Variants in CACNA1E observed in about 807,000 individuals in gnomAD.
CACNA1E encodes calcium voltage-gated channel subunit alpha1 E.
Under a neutral mutation model 259.2 loss-of-function variants are expected in CACNA1E, and 40 were observed. The ratio of observed to expected loss-of-function variants is 0.15; its 90% confidence interval spans 0.12 to 0.20. The LOEUF (loss-of-function observed/expected upper bound fraction) is 0.20. Among genes scored for constraint, CACNA1E ranks in the 10% least tolerant of loss-of-function variants. The pLI is 1.00. For missense variants in CACNA1E, 1,874 were observed against 3,040.1 expected (o/e 0.62, Z 9.02); for synonymous variants, 1,104 against 1,138.5 (o/e 0.97, Z 0.61).
chr1:181,503,341 T>C (rs1287950442), intron 1 of CACNA1E, among the ~76,000 whole-genome samples: 1 of 152,246 alleles, frequency 6.6e-6, no homozygotes, highest in Non-Finnish European at 1.5e-5. Context: ...CTCCTGTTCT[T>C]AGCCCTGGCC....
chr1:181,585,904 C>T (rs755216378), intron 6 of CACNA1E, among the ~76,000 whole-genome samples: 1 of 152,116 alleles, frequency 6.6e-6, no homozygotes, highest in Non-Finnish European at 1.5e-5. Context: ...GGTTTTTACT[C>T]TGAGTGAGAT....
intron 1 of CACNA1E, among the ~76,000 whole-genome samples, chr1:181,319,558 C>T (rs1650184059): frequency 6.6e-6 from 1 of 152,196 alleles, no homozygotes; most frequent in Admixed American, 6.5e-5. Context: ...CTACTGTTCT[C>T]TCACATGCTA....
intron 1 of CACNA1E, among the ~76,000 whole-genome samples, chr1:181,378,062 T>C (rs1655218074): frequency 6.6e-6 from 1 of 152,226 alleles, no homozygotes; most frequent in Non-Finnish European, 1.5e-5. Flanking sequence ...GTGATGGTAA[T>C]AGAAATGGGT....
intron 2 of CACNA1E, among the ~76,000 whole-genome samples, chr1:181,472,008 C>T (rs116323723): frequency 0.029 from 4,401 of 152,180 alleles, 76 homozygotes; most frequent in South Asian, 0.069. Context: ...ACAAAATGTT[C>T]ATCGATGGAT....
At position 181,485,201 on chromosome 1, in the gene CACNA1E, C is replaced by T. The variant is rs1663689926; in HGVS notation, c.266+1191C>T. On this transcript the variant is annotated intron_variant, in intron 1 of 47. Coordinates refer to ENST00000367573, the MANE Select transcript of CACNA1E (RefSeq NM_001205293.3). This position sits in a 1 kb window ranked among gnomAD's most constrained non-coding sequence, Gnocchi z 4.2. The stretch of plus-strand genomic sequence containing the variant: ...GAGGCCCCTTCTTTTCTCCCCTATT[C>T]TCCCTCTTTCCCACCCCCACCGTCC... Among the ~76,000 whole-genome samples, 1 of 152,146 alleles carries T rather than the reference C, an allele frequency of 6.6e-6. No individual in the cohort carries two copies. The highest frequency in any genetic ancestry group is 1.5e-5 in the Non-Finnish European group (1 of 68,026).
At chr1:181,605,418 G>C (rs892938505) in intron 6 of CACNA1E, among the ~76,000 whole-genome samples, 1 of 152,160 alleles carries the variant, frequency 6.6e-6, no homozygotes, top group African/African-American at 2.4e-5. Context: ...AGGCAGCACT[G>C]GCAGCTCAAG....
intron 2 of CACNA1E, among the ~76,000 whole-genome samples, chr1:181,472,498 A>G (rs11576955): frequency 6.6e-6 from 1 of 152,228 alleles, no homozygotes; most frequent in Non-Finnish European, 1.5e-5. Context: ...TCAAATGTAC[A>G]CAATAAAATT....
At chr1:181,765,022 C>A (rs1658902871) in intron 34 of CACNA1E, among the ~76,000 whole-genome samples, 1 of 152,114 alleles carries the variant, frequency 6.6e-6, no homozygotes, top group Non-Finnish European at 1.5e-5. Context: ...GATAGATGTT[C>A]CCTTTTCAGA....
chr1:181,729,919 AC>A lies in CACNA1E; in HGVS notation c.2241-1253del, dbSNP rs1270649026. On this transcript the variant is annotated intron_variant, in intron 18 of 47. Transcript: ENST00000367573. ...AGCGTACGCTTCTACTTCTGTATCT[AC>A]CCATGCTTCTTGGCTCTCCCGCCCC... 5.9e-5 allele frequency among the ~76,000 whole-genome samples: 9 copies of A among 152,146 alleles called. 1 individual carries two copies. The highest frequency in any genetic ancestry group is 1.2e-4 in the Non-Finnish European group (8 of 68,036).
At chr1:181,597,136 G>T (rs1389864532) in intron 6 of CACNA1E, among the ~76,000 whole-genome samples, 1 of 152,038 alleles carries the variant, frequency 6.6e-6, no homozygotes, top group Non-Finnish European at 1.5e-5. Context: ...TTCTAATTTG[G>T]AAGAGCTTGC....
intron 43 of CACNA1E, among the ~76,000 whole-genome samples, chr1:181,788,055 G>C (rs1244267607): frequency 6.6e-6 from 1 of 152,186 alleles, no homozygotes; most frequent in African/African-American, 2.4e-5. Context: ...AGCATTTCTA[G>C]AGGCAGGAAC....
chr1:181,570,127 A>T (rs7515165), intron 3 of CACNA1E, among the ~76,000 whole-genome samples: 17 of 151,800 alleles, frequency 1.1e-4, no homozygotes, highest in Admixed American at 4.6e-4. Flanking sequence ...TTCCTCTGTA[A>T]CACCTAATTA....
At chr1:181,379,747 A>G (rs1175952546) in intron 1 of CACNA1E, among the ~76,000 whole-genome samples, 1 of 152,130 alleles carries the variant, frequency 6.6e-6, no homozygotes, top group Non-Finnish European at 1.5e-5. Context: ...TTCTAATATC[A>G]GATTCATGAT....
intron 3 of CACNA1E, among the ~76,000 whole-genome samples, chr1:181,521,092 T>C (rs1479573087): frequency 6.6e-6 from 1 of 152,244 alleles, no homozygotes; most frequent in Non-Finnish European, 1.5e-5. Context: ...GTCAGTTGCC[T>C]GGACCTTGGT....
chr1:181,351,057 A>T (rs912810847), intron 1 of CACNA1E, among the ~76,000 whole-genome samples: 14 of 152,250 alleles, frequency 9.2e-5, no homozygotes, highest in Non-Finnish European at 1.8e-4. Flanking sequence ...AGACTGGGTT[A>T]GGAAAAGACC....
intron 38 of CACNA1E, among the ~76,000 whole-genome samples, chr1:181,778,065 C>T (rs530514493): frequency 1.3e-5 from 2 of 152,298 alleles, no homozygotes; most frequent in South Asian, 4.1e-4. Context: ...GAGACTCAGA[C>T]GTGTGGACTG....
chr1:181,497,789 A>G (rs955796718), intron 1 of CACNA1E, among the ~76,000 whole-genome samples: 1 of 152,208 alleles, frequency 6.6e-6, no homozygotes, highest in African/African-American at 2.4e-5. Context: ...ACTTGCATGC[A>G]TCTGCAGCAT....
At chr1:181,324,762 C>G (rs925931283) in intron 1 of CACNA1E, among the ~76,000 whole-genome samples, 1 of 152,114 alleles carries the variant, frequency 6.6e-6, no homozygotes, top group Non-Finnish European at 1.5e-5. Context: ...TGGAGGTTCC[C>G]TGGGTTTACA....
At chr1:181,470,054 TGA>T (rs956068748) in intron 2 of CACNA1E, among the ~76,000 whole-genome samples, 5 of 143,240 alleles carry the variant, frequency 3.5e-5, no homozygotes, top group East Asian at 2.1e-4. Flanking sequence ...AGAGAGAGAG[TGA>T]GAGAGAGAGA....
Sources: gnomAD v4.1 joint callset for allele counts (sites outside exome capture counted in the v4.1 genomes callset) on GRCh38, gnomAD v4.1.1 for gene constraint, Gnocchi (gnomAD v3.1) non-coding constraint, MANE v1.5 for transcripts, NCBI Gene and HGNC (gene_info 2026-07-23, HGNC 2026-07-21) for gene names.